Variants in USP9X observed in about 807,000 individuals in gnomAD.
USP9X encodes ubiquitin specific peptidase 9 X-linked.
USP9X carries 7 observed loss-of-function variants against 190.3 expected under a neutral mutation model. The observed-to-expected ratio is 0.04, with a 90% confidence interval of 0.02 to 0.07. The LOEUF (loss-of-function observed/expected upper bound fraction) is 0.07. USP9X is among the 10% of genes least tolerant of loss of function. USP9X has a pLI of 1.00. For missense variants in USP9X, 1,010 were observed against 1,916.9 expected, an observed-to-expected ratio of 0.53 and a Z score of 8.83; for synonymous variants, 645 against 659.5, an observed-to-expected ratio of 0.98 and a Z score of 0.34.
intron 24 of USP9X, among the ~76,000 whole-genome samples, chrX:41,187,777 C>CACCACTGT (rs2062894543): frequency 1.8e-5 from 2 of 109,411 alleles, no homozygotes; most frequent in South Asian, 3.9e-4. Flanking sequence ...GCTATGATCA[C>CACCACTGT]ACCACTGTAC....
chrX:41,218,339 T>TTA, intron 36 of USP9X, 33 bp from the exon 37 acceptor site: 1 of 1,188,339 alleles, frequency 8.4e-7, no homozygotes, highest in Non-Finnish European at 1.1e-6. Context: ...AGTTATTGAC[T>TTA]TAATAGTCAT....
intron 26 of USP9X, chrX:41,195,951 C>T (rs1253482028): frequency 9.6e-6 from 4 of 417,124 alleles, no homozygotes; most frequent in Non-Finnish European, 1.8e-5. Flanking sequence ...TGTAGTAGAG[C>T]ATTTGGTATA....
chrX:41,108,174 C>T (rs2062083627), intron 1 of USP9X, among the ~76,000 whole-genome samples: 1 of 111,860 alleles, frequency 8.9e-6, no homozygotes, highest in Non-Finnish European at 1.9e-5. Flanking sequence ...TAGTGCCTAC[C>T]CCTCAGCCTG....
At chrX:41,129,273 A>G in intron 3 of USP9X, 128 bp downstream of exon 3, 1 of 673,208 alleles carries the variant, frequency 1.5e-6, no homozygotes, top group Non-Finnish European at 2.1e-6. Flanking sequence ...AGATTTAATA[A>G]ATGAAAGGGA....
At chrX:41,103,544 C>A (rs1309965780) in intron 1 of USP9X, among the ~76,000 whole-genome samples, 2 of 111,658 alleles carry the variant, frequency 1.8e-5, no homozygotes, top group Non-Finnish European at 3.8e-5. Flanking sequence ...CGAACCCATG[C>A]CTTAGCATTC....
intron 1 of USP9X, among the ~76,000 whole-genome samples, chrX:41,102,195 T>A (rs2062039145): frequency 1.8e-5 from 2 of 112,420 alleles, no homozygotes; most frequent in South Asian, 7.2e-4. Context: ...TAATTTATAA[T>A]GATAATCTCA....
chrX:41,104,939 G>T (rs2062059048), intron 1 of USP9X, among the ~76,000 whole-genome samples: 1 of 111,867 alleles, frequency 8.9e-6, no homozygotes, highest in African/African-American at 3.3e-5. Context: ...GGGCTTAAGA[G>T]TAAACTGATC....
At chrX:41,145,311 A>G (rs1410809626) in intron 11 of USP9X, among the ~76,000 whole-genome samples, 1 of 112,077 alleles carries the variant, frequency 8.9e-6, no homozygotes, top group Non-Finnish European at 1.9e-5. Flanking sequence ...AATACTTGGT[A>G]TTTCTGGTAA....
chrX:41,199,789 C>G (rs1437413193), intron 30 of USP9X, among the ~76,000 whole-genome samples: 1 of 111,428 alleles, frequency 9.0e-6, no homozygotes, highest in African/African-American at 3.3e-5. Flanking sequence ...CTTAGAAGTT[C>G]CGTAACGTTA....
chrX:41,088,955 C>T (rs1030125519), intron 1 of USP9X, among the ~76,000 whole-genome samples: 7 of 104,215 alleles, frequency 6.7e-5, no homozygotes, highest in African/African-American at 2.1e-4. Flanking sequence ...AATCACTTGG[C>T]GGGGTTAAAA....
At chrX:41,214,779 T>G in intron 34 of USP9X, 70 bp downstream of exon 34, 1 of 1,056,001 alleles carries the variant, frequency 9.5e-7, no homozygotes, top group Non-Finnish European at 1.3e-6. Context: ...GTTTTTTTGG[T>G]TCATCCTCAC....
intron 1 of USP9X, among the ~76,000 whole-genome samples, chrX:41,112,319 C>T (rs1316744401): frequency 8.9e-6 from 1 of 112,187 alleles, no homozygotes; most frequent in Non-Finnish European, 1.9e-5. Flanking sequence ...CTTTTCTCCC[C>T]GTTTGAATTT....
At chrX:41,228,542 A>G (rs1422010824) in intron 41 of USP9X, among the ~76,000 whole-genome samples, 3 of 112,191 alleles carry the variant, frequency 2.7e-5, no homozygotes, top group Non-Finnish European at 5.6e-5. Flanking sequence ...ACTGAATCCT[A>G]ACTTGCCTTC....
intron 11 of USP9X, among the ~76,000 whole-genome samples, chrX:41,148,096 A>G (rs1479478080): frequency 8.9e-6 from 1 of 111,880 alleles, no homozygotes. Context: ...GTTGTATTAC[A>G]ATACCATTTT....
At chrX:41,169,361 A>T (rs2147121153) in intron 18 of USP9X, among the ~76,000 whole-genome samples, 1 of 112,246 alleles carries the variant, frequency 8.9e-6, no homozygotes, top group African/African-American at 3.2e-5. Flanking sequence ...ATTTCATTTT[A>T]GTAGACACCT....
intron 11 of USP9X, among the ~76,000 whole-genome samples, chrX:41,146,023 A>G (rs1441916689): frequency 8.9e-6 from 1 of 111,796 alleles, no homozygotes; most frequent in African/African-American, 3.2e-5. Context: ...TTTTCCATCC[A>G]TTGAAGTATA....
chrX:41,165,617 T>C (rs777948299), intron 15 of USP9X, among the ~76,000 whole-genome samples: 1 of 112,245 alleles, frequency 8.9e-6, no homozygotes, highest in African/African-American at 3.2e-5. Context: ...GAATCTTTTA[T>C]TCCTAATTCA....
intron 26 of USP9X, among the ~76,000 whole-genome samples, chrX:41,194,819 T>C (rs914794507): frequency 1.8e-5 from 2 of 111,217 alleles, no homozygotes; most frequent in Admixed American, 9.6e-5. Context: ...GGTCCTCTTA[T>C]ACGCCAGACA....
chrX:41,184,831 A>T (rs1435041324), intron 23 of USP9X, 156 bp downstream of exon 23: 2 of 456,360 alleles, frequency 4.4e-6, no homozygotes, highest in Admixed American at 4.6e-5. Context: ...TAAAAGTGCA[A>T]ATACTTTTCG....
Sources: gnomAD v4.1 joint callset for allele counts (sites outside exome capture counted in the v4.1 genomes callset) on GRCh38, gnomAD v4.1.1 for gene constraint, MANE v1.5 for transcripts, NCBI Gene and HGNC (gene_info 2026-07-23, HGNC 2026-07-21) for gene names.